NME7: variants seen among roughly 807,000 people sequenced by gnomAD.
NME7 encodes the protein NME/NM23 family member 7.
Under a neutral mutation model 49.1 loss-of-function variants are expected in NME7, and 41 were observed. The observed-to-expected ratio is 0.83, with a 90% CI of 0.65 to 1.08. The LOEUF is 1.08. NME7 is among the 50% of genes least tolerant of loss of function. NME7 has a pLI of 0.00. For synonymous variants in NME7, 139 were observed against 150.6 expected (o/e 0.92, Z 0.56); for missense variants, 423 against 463.4 (o/e 0.91, Z 0.80).
chr1:169,362,244 G>C (rs755306322), intron 1 of NME7, among the ~76,000 whole-genome samples: 4 of 152,112 alleles, frequency 2.6e-5, no homozygotes, highest in Non-Finnish European at 5.9e-5. Flanking sequence ...AAACAACTTT[G>C]AGACATTTTA....
chr1:169,195,773 T>C (rs1557983149), intron 10 of NME7, among the ~76,000 whole-genome samples: 1 of 152,230 alleles, frequency 6.6e-6, no homozygotes, highest in Non-Finnish European at 1.5e-5. Flanking sequence ...GTTCTTACTA[T>C]GTACCAGACA....
At chr1:169,361,137 C>CAA (rs1653637707) in intron 1 of NME7, among the ~76,000 whole-genome samples, 1 of 151,980 alleles carries the variant, frequency 6.6e-6, no homozygotes, top group East Asian at 1.9e-4. Context: ...TAAATACTTT[C>CAA]TCGAATAGAA....
intron 10 of NME7, among the ~76,000 whole-genome samples, chr1:169,194,329 T>G (rs1660312673): frequency 6.6e-6 from 1 of 152,134 alleles, no homozygotes; most frequent in South Asian, 2.1e-4. Flanking sequence ...TGGTCTGGAC[T>G]GAACTCCTTC....
chr1:169,240,752 T>A (rs1648055109), intron 7 of NME7, among the ~76,000 whole-genome samples: 1 of 152,114 alleles, frequency 6.6e-6, no homozygotes, highest in African/African-American at 2.4e-5. Context: ...AATTTGTTAA[T>A]ATCATCACCA....
chr1:169,226,188 A>G (rs1469419397), intron 10 of NME7, among the ~76,000 whole-genome samples: 2 of 152,134 alleles, frequency 1.3e-5, no homozygotes, highest in African/African-American at 2.4e-5. Context: ...TGAATTTCTA[A>G]ATTATTTTAA....
rs896733291 is a variant in NME7, at chr1:169,254,268, A to T, written c.755-16581T>A. On this transcript the variant is annotated intron_variant, in intron 7 of 11. Transcript: ENST00000367811. ...CTGTTATTGTTCTATTCAGAGATTC[A>T]ACTTCTTCCTGGTTTAGTCTTGGGA... is the stretch of plus-strand genomic sequence containing the variant. Among the ~76,000 whole-genome samples the T allele has an allele frequency of 2.2e-4, 33 of 151,990 alleles. 1 individual carries two copies. Among genetic ancestry groups the T allele is most frequent in the Admixed American group, 1.2e-3 (19 of 15,268 alleles).
At chr1:169,255,693 G>A (rs1258876476) in intron 7 of NME7, among the ~76,000 whole-genome samples, 1 of 127,526 alleles carries the variant, frequency 7.8e-6, no homozygotes, top group Non-Finnish European at 1.8e-5. Flanking sequence ...ATTTTGCAGC[G>A]GCTGGTACCG....
intron 1 of NME7, among the ~76,000 whole-genome samples, chr1:169,329,415 A>C (rs1652180370): frequency 7.4e-6 from 1 of 134,398 alleles, no homozygotes; most frequent in Non-Finnish European, 1.6e-5. Flanking sequence ...AAAAAAAAAA[A>C]CCTCTGCTAA....
intron 1 of NME7, 125 bp downstream of exon 1, chr1:169,367,583 G>C (rs570645589): frequency 1.9e-6 from 2 of 1,052,110 alleles, no homozygotes; most frequent in East Asian, 4.7e-5. Flanking sequence ...GTGGGAAGGG[G>C]GAAAGAGATA....
intron 1 of NME7, among the ~76,000 whole-genome samples, chr1:169,325,356 T>C (rs1652022558): frequency 6.6e-6 from 1 of 152,152 alleles, no homozygotes. Flanking sequence ...GGGAAGCAAG[T>C]GCTCAGCACA....
rs1649177506 is a variant in NME7, at chr1:169,261,916, ATAC to A, written c.755-24232_755-24230del. On this transcript the variant is annotated intron_variant, in intron 7 of 11. Coordinates refer to ENST00000367811, the MANE Select transcript of NME7 (RefSeq NM_013330.5). ...CACTATCTAGCATCTTAGTGTCACA[ATAC>A]TACTGGTTCAGGTTCTAGTCTCACG... Among the ~76,000 whole-genome samples the A allele has an allele frequency of 1.5e-5, 2 of 134,294 alleles. 1 individual carries two copies. The highest frequency in any genetic ancestry group is 5.0e-5 in the African/African-American group (2 of 39,706). 88.1% of individuals were successfully genotyped at this position (134,294 alleles called of 152,430 possible). A position where few individuals can be genotyped will look rare whatever the true frequency, so the allele number is the denominator to read the frequency against.
chr1:169,243,061 T>C (rs1290193295), intron 7 of NME7, among the ~76,000 whole-genome samples: 1 of 152,050 alleles, frequency 6.6e-6, no homozygotes. Flanking sequence ...TAAAATTATA[T>C]GGTAAGATAA....
chr1:169,287,225 T>C, intron 7 of NME7, 78 bp downstream of exon 7: 1 of 1,157,526 alleles, frequency 8.6e-7, no homozygotes, highest in East Asian at 2.4e-5. Flanking sequence ...CTTTATTTTC[T>C]ATACATAAAG....
At chr1:169,164,385 T>A (rs988229469) in intron 11 of NME7, among the ~76,000 whole-genome samples, 4 of 152,166 alleles carry the variant, frequency 2.6e-5, no homozygotes, top group African/African-American at 4.8e-5. Flanking sequence ...CAGTCTCACA[T>A]GAGCAAACAG....
At chr1:169,231,686 T>C (rs1180473204) in intron 9 of NME7, among the ~76,000 whole-genome samples, 2 of 151,334 alleles carry the variant, frequency 1.3e-5, no homozygotes, top group Non-Finnish European at 3.0e-5. Context: ...TTTATGTTTC[T>C]ACCAGCCAGA....
At chr1:169,216,194 T>G (rs11808938) in intron 10 of NME7, among the ~76,000 whole-genome samples, 57,392 of 152,100 alleles carry the variant, frequency 0.38, 11,542 homozygotes, top group East Asian at 0.79. Flanking sequence ...CTAATGAGTT[T>G]ACTGATGGCT....
intron 7 of NME7, among the ~76,000 whole-genome samples, chr1:169,272,035 C>A (rs1339876901): frequency 1.5e-5 from 2 of 131,198 alleles, no homozygotes; most frequent in African/African-American, 2.6e-5. Context: ...GAAAAAAAAG[C>A]CTTGGGTTGC....
At chr1:169,149,317 G>T (rs962419948) in intron 11 of NME7, among the ~76,000 whole-genome samples, 1 of 151,764 alleles carries the variant, frequency 6.6e-6, no homozygotes, top group African/African-American at 2.4e-5. Flanking sequence ...CTCCAGCCTG[G>T]GTGACAGAGT....
chr1:169,234,124 T>C (rs530864848), intron 9 of NME7, among the ~76,000 whole-genome samples: 197 of 152,286 alleles, frequency 1.3e-3, no homozygotes, highest in African/African-American at 4.5e-3. Context: ...CCTTCAAAAA[T>C]TGACTCAGAA....
Sources: gnomAD v4.1 joint callset for allele counts (sites outside exome capture counted in the v4.1 genomes callset) on GRCh38, gnomAD v4.1.1 for gene constraint, MANE v1.5 for transcripts, NCBI Gene and HGNC (gene_info 2026-07-23, HGNC 2026-07-21) for gene names.